CDH12: variants seen among roughly 807,000 people sequenced by gnomAD.
CDH12 encodes cadherin-12.
Under a neutral mutation model 74.1 loss-of-function variants are expected in CDH12, and 41 were observed. That is an observed-to-expected ratio of 0.55 (90% CI 0.43 to 0.72). CDH12 has a LOEUF of 0.72. Ranked by LOEUF, CDH12 falls within the 30% of genes least tolerant of loss-of-function variation. CDH12 has a pLI of 0.00. For synonymous variants in CDH12, 399 were observed against 355.0 expected, an observed-to-expected ratio of 1.12 and a Z score of -1.39; for missense variants, 945 against 977.2, an observed-to-expected ratio of 0.97 and a Z score of 0.44.
chr5:22,762,703 T>C (rs1312640735), intron 1 of CDH12, among the ~76,000 whole-genome samples: 2 of 152,106 alleles, frequency 1.3e-5, no homozygotes, highest in Non-Finnish European at 2.9e-5. Flanking sequence ...TATAAACTAA[T>C]AATTTACTGT....
intron 1 of CDH12, among the ~76,000 whole-genome samples, chr5:22,834,079 A>G (rs1026140749): frequency 5.3e-5 from 8 of 152,154 alleles, no homozygotes; most frequent in African/African-American, 1.7e-4. Flanking sequence ...AACTGAACAC[A>G]AAGTGTTTTT....
chr5:22,063,920 C>T (rs911300494), intron 5 of CDH12, among the ~76,000 whole-genome samples: 7 of 151,758 alleles, frequency 4.6e-5, no homozygotes, highest in Admixed American at 1.3e-4. Flanking sequence ...TGCTCCTTCA[C>T]GATTACATGA....
At chr5:22,163,705 T>C (rs1748495426) in intron 4 of CDH12, among the ~76,000 whole-genome samples, 1 of 152,184 alleles carries the variant, frequency 6.6e-6, no homozygotes, top group Non-Finnish European at 1.5e-5. Context: ...AGGATCACAC[T>C]GTCAATGAGA....
chr5:22,843,613 GGTGTGTGTGT>G (rs3050972), intron 1 of CDH12, among the ~76,000 whole-genome samples: 14 of 147,786 alleles, frequency 9.5e-5, no homozygotes, highest in South Asian at 2.2e-4. Context: ...TAACATTTGT[GGTGTGTGTGT>G]GTGTGTGTGT....
At chr5:22,408,253 TA>T in intron 2 of CDH12, among the ~76,000 whole-genome samples, 1 of 135,966 alleles carries the variant, frequency 7.4e-6, no homozygotes, top group East Asian at 2.1e-4. Flanking sequence ...AAATCATAGA[TA>T]GAGTTTCAGA....
intron 3 of CDH12, among the ~76,000 whole-genome samples, chr5:22,398,917 G>A (rs1485431690): frequency 6.6e-6 from 1 of 152,058 alleles, no homozygotes; most frequent in Non-Finnish European, 1.5e-5. Context: ...ACCCCTCTAT[G>A]TGCAGGGTAC....
rs1341046746 is a variant in CDH12 at position 22,723,298 on chromosome 5, C to T, written c.-523+129760G>A. On this transcript the variant is annotated intron_variant, in intron 1 of 14. Transcript: ENST00000382254. ...TACACATCACCATGTCAGTTTTACA[C>T]AAAGCGTTTATACGTTTTACTTTGT... is the stretch of plus-strand genomic sequence containing the variant. Among the ~76,000 whole-genome samples the T allele has an allele frequency of 2.6e-5, 4 of 152,168 alleles. No homozygotes were observed. In the East Asian group the frequency reaches 7.7e-4, roughly 29 times the overall value.
At chr5:22,382,220 TATA>T (rs899820852) in intron 3 of CDH12, among the ~76,000 whole-genome samples, 38 of 146,214 alleles carry the variant, frequency 2.6e-4, no homozygotes, top group Admixed American at 9.7e-4. Context: ...ATTTAAAATA[TATA>T]ATATTTTATA....
At chr5:22,739,574 A>T (rs1744915989) in intron 1 of CDH12, among the ~76,000 whole-genome samples, 1 of 152,112 alleles carries the variant, frequency 6.6e-6, no homozygotes, top group Non-Finnish European at 1.5e-5. Context: ...AGAACACTTA[A>T]CATAAGACCT....
At chr5:22,755,643 A>ATG (rs1437628672) in intron 1 of CDH12, among the ~76,000 whole-genome samples, 1 of 152,148 alleles carries the variant, frequency 6.6e-6, no homozygotes, top group Non-Finnish European at 1.5e-5. Context: ...CTTAAGGACA[A>ATG]TGTTGACATC....
At chr5:22,022,469 G>A (rs747160631) in intron 5 of CDH12, among the ~76,000 whole-genome samples, 1 of 152,070 alleles carries the variant, frequency 6.6e-6, no homozygotes, top group Non-Finnish European at 1.5e-5. Context: ...GTGGAACTGT[G>A]AGTCAATTAA....
At chr5:21,895,846 C>T (rs1271295408) in intron 6 of CDH12, among the ~76,000 whole-genome samples, 5 of 152,142 alleles carry the variant, frequency 3.3e-5, no homozygotes, top group Admixed American at 1.3e-4. Flanking sequence ...GGAAGATCCC[C>T]CAGGCCTGGA....
At chr5:21,900,098 A>G (rs930262465) in intron 6 of CDH12, among the ~76,000 whole-genome samples, 1 of 152,198 alleles carries the variant, frequency 6.6e-6, no homozygotes, top group Non-Finnish European at 1.5e-5. Flanking sequence ...TAATTTTGAT[A>G]TTAACATTGA....
At chr5:22,271,979 A>G (rs1736421601) in intron 3 of CDH12, among the ~76,000 whole-genome samples, 1 of 152,138 alleles carries the variant, frequency 6.6e-6, no homozygotes, top group South Asian at 2.1e-4. Flanking sequence ...TCAACTTATC[A>G]CCAGCTGCAT....
intron 1 of CDH12, among the ~76,000 whole-genome samples, chr5:22,598,137 G>C (rs10520880): frequency 0.069 from 10,534 of 152,150 alleles, 452 homozygotes; most frequent in East Asian, 0.24. Flanking sequence ...ATGATGTAAT[G>C]CTGAAGTTCC....
chr5:21,882,714 G>T, intron 6 of CDH12: 1 of 1,442,244 alleles, frequency 6.9e-7, no homozygotes, highest in South Asian at 1.2e-5. Flanking sequence ...ATGCTTCAAG[G>T]TGTAGGTAGA....
At chr5:21,817,279 A>T (rs1176429928) in intron 8 of CDH12, 147 bp from the exon 9 acceptor site, 1 of 549,888 alleles carries the variant, frequency 1.8e-6, no homozygotes, top group Admixed American at 3.6e-5. Context: ...CTGTCAAGTT[A>T]AGGATTATGA....
chr5:21,859,526 C>T (rs1227297237), intron 6 of CDH12, among the ~76,000 whole-genome samples: 3 of 151,840 alleles, frequency 2.0e-5, no homozygotes, highest in African/African-American at 4.8e-5. Context: ...TACCATTTCT[C>T]GCATAGCCAG....
chr5:21,880,604 CTTCCTTCCTTCCTTCTTTCTTTCT>C (rs1752241836), intron 6 of CDH12, among the ~76,000 whole-genome samples: 1 of 56,016 alleles, frequency 1.8e-5, no homozygotes, highest in African/African-American at 6.6e-5. Context: ...TCCTTCCTTC[CTTCCTTCCTTCCTTCTTTCTTTCT>C]TTCTTTCTTT....
Sources: gnomAD v4.1 joint callset for allele counts (sites outside exome capture counted in the v4.1 genomes callset) on GRCh38, gnomAD v4.1.1 for gene constraint, MANE v1.5 for transcripts, NCBI Gene and HGNC (gene_info 2026-07-23, HGNC 2026-07-21) for gene names.